PXYLP1: variants seen among roughly 807,000 people sequenced by gnomAD.
The protein encoded by PXYLP1 is acid phosphatase-like 2.
In PXYLP1, 17 loss-of-function variants were observed where a neutral mutation model predicts 37.9. That is an observed-to-expected ratio of 0.45 (90% CI 0.31 to 0.67). The LOEUF (loss-of-function observed/expected upper bound fraction) is 0.67. Ranked by LOEUF, PXYLP1 falls within the 30% of genes least tolerant of loss-of-function variation. PXYLP1 has a pLI of 0.07. For missense variants in PXYLP1, 511 were observed against 612.0 expected, an observed-to-expected ratio of 0.84 and a Z score of 1.74; for synonymous variants, 221 against 232.2, an observed-to-expected ratio of 0.95 and a Z score of 0.44.
At chr3:141,290,472 A>G (rs4683400) in intron 5 of PXYLP1, among the ~76,000 whole-genome samples, 8,233 of 152,296 alleles carry the variant, frequency 0.054, 299 homozygotes, top group East Asian at 0.12. Context: ...GTCCAGCAGC[A>G]TATGGGAAGA....
intron 1 of PXYLP1, among the ~76,000 whole-genome samples, chr3:141,250,830 G>T (rs781613011): frequency 6.6e-5 from 10 of 152,232 alleles, no homozygotes; most frequent in Non-Finnish European, 1.2e-4. Context: ...ACTATGGTTT[G>T]TCATGTGAGA....
chr3:141,248,867 G>GTA (rs72300722), intron 1 of PXYLP1, among the ~76,000 whole-genome samples: 34,794 of 68,352 alleles, frequency 0.51, 11,548 homozygotes, highest in Non-Finnish European at 0.65. Context: ...ATATACACAC[G>GTA]TATATATATA....
At chr3:141,272,961 C>A (rs1409030079) in intron 2 of PXYLP1, 1 of 982,360 alleles carries the variant, frequency 1.0e-6, no homozygotes, top group Non-Finnish European at 1.2e-6. Flanking sequence ...CAAGTGGACA[C>A]CCAGTATTAA....
intron 1 of PXYLP1, among the ~76,000 whole-genome samples, chr3:141,242,012 A>C (rs942591448): frequency 1.3e-5 from 2 of 152,232 alleles, no homozygotes; most frequent in Non-Finnish European, 2.9e-5. Context: ...TTGGTGAAGA[A>C]AGCTGAAGCT....
intron 1 of PXYLP1, among the ~76,000 whole-genome samples, chr3:141,232,819 C>T (rs1317565311): frequency 6.6e-6 from 1 of 152,222 alleles, no homozygotes; most frequent in African/African-American, 2.4e-5. Flanking sequence ...GCTGTGAGTT[C>T]AGCGATTGCG....
Position 141,279,353 on chromosome 3 carries a change from C to G in PXYLP1, c.239-25C>G, listed in dbSNP as rs778737327. 3.1e-6 allele frequency: 5 copies of G among 1,613,616 alleles called. No homozygotes were observed. In the South Asian group the frequency reaches 5.5e-5, roughly 18 times the overall value. ...GGATTGACACCTATTGAGTGATAAC[C>G]AGACAATGTGCTTCTCTCGCGCAGG... is the stretch of plus-strand genomic sequence containing the variant. On this transcript the variant is annotated intron_variant, in intron 3 of 5. Coordinates refer to ENST00000286353, the MANE Select transcript of PXYLP1 (RefSeq NM_001037172.3).
At chr3:141,239,608 C>T (rs146591046) in intron 1 of PXYLP1, among the ~76,000 whole-genome samples, 1 of 152,192 alleles carries the variant, frequency 6.6e-6, no homozygotes, top group South Asian at 2.1e-4. Context: ...ACTCTACTTA[C>T]ACTAAGTAAT....
At chr3:141,249,184 C>G (rs1304577675) in intron 1 of PXYLP1, among the ~76,000 whole-genome samples, 1 of 152,178 alleles carries the variant, frequency 6.6e-6, no homozygotes, top group African/African-American at 2.4e-5. Flanking sequence ...AGCTACAGGG[C>G]TCCTGGTGCC....
chr3:141,234,211 A>T (rs2292402), intron 1 of PXYLP1: 34,092 of 151,528 alleles, frequency 0.22, 4,942 homozygotes, highest in African/African-American at 0.41. Context: ...GTGTGTTTGG[A>T]GCAGTGAGTG....
At chr3:141,268,075 C>T (rs2086181) in intron 2 of PXYLP1, among the ~76,000 whole-genome samples, 3 of 151,758 alleles carry the variant, frequency 2.0e-5, no homozygotes, top group Non-Finnish European at 4.4e-5. Flanking sequence ...ACCCCATTAC[C>T]TCATGATCAC....
At chr3:141,262,637 C>A in intron 2 of PXYLP1, 1 of 1,497,416 alleles carries the variant, frequency 6.7e-7, no homozygotes, top group Non-Finnish European at 8.8e-7. Context: ...GTAAATTAGC[C>A]TGTCTGGGTC....
intron 1 of PXYLP1, among the ~76,000 whole-genome samples, chr3:141,241,278 G>A (rs1418004542): frequency 3.3e-5 from 5 of 152,132 alleles, no homozygotes; most frequent in East Asian, 3.8e-4. Flanking sequence ...TATTCCGTCC[G>A]CAGCATTCTT....
chr3:141,262,304 A>G, intron 2 of PXYLP1: 1 of 1,001,018 alleles, frequency 1.0e-6, no homozygotes, highest in Non-Finnish European at 1.2e-6. Context: ...CAGATGGCAA[A>G]TGAATTGTAA....
At chr3:141,284,582 G>T (rs886070758) in intron 4 of PXYLP1, among the ~76,000 whole-genome samples, 4 of 152,182 alleles carry the variant, frequency 2.6e-5, no homozygotes, top group African/African-American at 7.2e-5. Flanking sequence ...ACCAGAATCT[G>T]AGATGCTCAA....
intron 4 of PXYLP1, among the ~76,000 whole-genome samples, chr3:141,285,901 A>G (rs982964756): frequency 1.3e-5 from 2 of 152,236 alleles, no homozygotes; most frequent in African/African-American, 4.8e-5. Context: ...TTATTAGACT[A>G]TATTACATGT....
chr3:141,273,284 G>A (rs1941713238), intron 2 of PXYLP1: 1 of 985,328 alleles, frequency 1.0e-6, no homozygotes, highest in Admixed American at 6.1e-5. Context: ...CGAGCTTAGT[G>A]GGTGAGCAGG....
At chr3:141,253,573 A>T (rs1429517895) in intron 1 of PXYLP1, among the ~76,000 whole-genome samples, 1 of 151,920 alleles carries the variant, frequency 6.6e-6, no homozygotes, top group Non-Finnish European at 1.5e-5. Flanking sequence ...CCTAGCCTGG[A>T]TGCAGTCTTC....
At chr3:141,287,964 A>G (rs924884630) in intron 5 of PXYLP1, among the ~76,000 whole-genome samples, 2 of 152,254 alleles carry the variant, frequency 1.3e-5, no homozygotes, top group African/African-American at 4.8e-5. Flanking sequence ...AGATATTTCT[A>G]ACAAAACTTC....
chr3:141,251,853 A>G (rs1941147250), intron 1 of PXYLP1, among the ~76,000 whole-genome samples: 2 of 152,196 alleles, frequency 1.3e-5, no homozygotes, highest in Non-Finnish European at 2.9e-5. Context: ...GAGGGAACAA[A>G]GACAAGGGAG....
Sources: allele counts gnomAD v4.1 joint callset (sites outside exome capture counted in the v4.1 genomes callset), GRCh38; gene constraint gnomAD v4.1.1; transcripts MANE v1.5; gene names NCBI Gene and HGNC (gene_info 2026-07-23, HGNC 2026-07-21).